ATRNL1: variants seen among roughly 807,000 people sequenced by gnomAD.
ATRNL1 encodes the protein attractin-like protein 1.
ATRNL1 carries 95 observed loss-of-function variants against 182.7 expected under a neutral mutation model. The ratio of observed to expected loss-of-function variants is 0.52; its 90% confidence interval spans 0.44 to 0.62. ATRNL1 has a LOEUF of 0.62. Among genes scored for constraint, ATRNL1 ranks in the 20% least tolerant of loss-of-function variants. ATRNL1 has a pLI of 0.00. For missense variants in ATRNL1, 1,471 were observed against 1,679.5 expected (o/e 0.88, Z 2.17); for synonymous variants, 576 against 568.3 (o/e 1.01, Z -0.19).
chr10:115,652,017 C>A (rs1860043642), intron 26 of ATRNL1, among the ~76,000 whole-genome samples: 1 of 151,980 alleles, frequency 6.6e-6, no homozygotes, highest in African/African-American at 2.4e-5. Flanking sequence ...TATAAGATTT[C>A]TTTGTTCTAT....
At chr10:115,565,945 G>A (rs975399501) in intron 26 of ATRNL1, among the ~76,000 whole-genome samples, 2 of 152,208 alleles carry the variant, frequency 1.3e-5, no homozygotes, top group South Asian at 2.1e-4. Flanking sequence ...TTGAGTAAAA[G>A]TGTTAGCTTC....
At chr10:115,609,946 G>T (rs1239888007) in intron 26 of ATRNL1, among the ~76,000 whole-genome samples, 1 of 152,136 alleles carries the variant, frequency 6.6e-6, no homozygotes, top group Non-Finnish European at 1.5e-5. Context: ...CGTGTTGTTT[G>T]TGAGTCTAAT....
chr10:115,434,226 A>G (rs181169732), intron 21 of ATRNL1, among the ~76,000 whole-genome samples: 100 of 152,284 alleles, frequency 6.6e-4, no homozygotes, highest in African/African-American at 2.3e-3. Context: ...ATTAGCATTT[A>G]GTAAATAAAA....
chr10:115,556,333 A>G lies in ATRNL1; in HGVS notation c.3795+6797A>G, dbSNP rs534896287. ...CATTCATATTTATACAGAGAGGAAA[A>G]TAAAAGCAAAATAAATTGGGTAAAG... is the stretch of plus-strand genomic sequence containing the variant. On this transcript the variant is annotated intron_variant, in intron 26 of 28. Transcript: ENST00000355044. 2.6e-5 allele frequency among the ~76,000 whole-genome samples: 4 copies of G among 152,288 alleles called. No homozygotes were observed. In the South Asian group the frequency reaches 8.3e-4, roughly 32 times the overall value.
At chr10:115,439,154 C>T (rs1554965236) in intron 21 of ATRNL1, among the ~76,000 whole-genome samples, 1 of 151,812 alleles carries the variant, frequency 6.6e-6, no homozygotes, top group African/African-American at 2.4e-5. Context: ...AATGGATCGT[C>T]ATAAAGGTCT....
intron 27 of ATRNL1, among the ~76,000 whole-genome samples, chr10:115,840,235 C>G (rs910403901): frequency 6.6e-6 from 1 of 152,128 alleles, no homozygotes; most frequent in African/African-American, 2.4e-5. Flanking sequence ...TAGATTTTTC[C>G]TACCCTGAAA....
chr10:115,486,597 T>C (rs1554975197), intron 24 of ATRNL1, among the ~76,000 whole-genome samples: 1 of 152,184 alleles, frequency 6.6e-6, no homozygotes, highest in African/African-American at 2.4e-5. Flanking sequence ...TGGGGTTGTT[T>C]TTTTCTTGTA....
At chr10:115,937,105 C>T (rs1020838976) in intron 28 of ATRNL1, among the ~76,000 whole-genome samples, 2 of 152,206 alleles carry the variant, frequency 1.3e-5, no homozygotes, top group African/African-American at 4.8e-5. Context: ...TCAGCACATT[C>T]TACCCAATGA....
chr10:115,775,322 T>C (rs1363397195), intron 27 of ATRNL1, among the ~76,000 whole-genome samples: 8 of 152,320 alleles, frequency 5.3e-5, no homozygotes, highest in Non-Finnish European at 7.4e-5. Flanking sequence ...ATCTTACTTA[T>C]AGAAAACACC....
intron 26 of ATRNL1, among the ~76,000 whole-genome samples, chr10:115,631,231 C>T (rs1555026309): frequency 1.3e-5 from 2 of 151,914 alleles, no homozygotes; most frequent in Non-Finnish European, 2.9e-5. Flanking sequence ...ATTCCCACCA[C>T]ATCAAAAATT....
intron 8 of ATRNL1, among the ~76,000 whole-genome samples, chr10:115,191,087 A>G (rs543021620): frequency 6.6e-6 from 1 of 152,184 alleles, no homozygotes; most frequent in South Asian, 2.1e-4. Context: ...TCTGTTGTGT[A>G]TATGCATAGA....
intron 19 of ATRNL1, among the ~76,000 whole-genome samples, chr10:115,362,812 T>G (rs1440335542): frequency 1.3e-5 from 2 of 151,656 alleles, no homozygotes; most frequent in Non-Finnish European, 2.9e-5. Context: ...AGAATGATGA[T>G]TTCCAATTTC....
intron 27 of ATRNL1, among the ~76,000 whole-genome samples, chr10:115,841,449 G>T (rs1555097114): frequency 1.3e-5 from 2 of 152,056 alleles, no homozygotes; most frequent in South Asian, 2.1e-4. Context: ...GAACTTGAAG[G>T]CATTTCAGCA....
chr10:115,650,171 G>A (rs1859894950), intron 26 of ATRNL1, among the ~76,000 whole-genome samples: 4 of 152,142 alleles, frequency 2.6e-5, no homozygotes, highest in Non-Finnish European at 1.5e-5. Context: ...TTTCCTCCAA[G>A]CAAACGTGAT....
intron 5 of ATRNL1, among the ~76,000 whole-genome samples, chr10:115,141,194 T>C (rs1345479765): frequency 1.3e-5 from 2 of 152,150 alleles, no homozygotes; most frequent in African/African-American, 4.8e-5. Context: ...GCATTTGTTG[T>C]TGTTATTGAA....
At chr10:115,415,390 C>T (rs1018063767) in intron 20 of ATRNL1, among the ~76,000 whole-genome samples, 3 of 151,820 alleles carry the variant, frequency 2.0e-5, no homozygotes, top group Admixed American at 6.6e-5. Flanking sequence ...TAGTTTCCCC[C>T]TTATTTTTAA....
chr10:115,119,591 G>C (rs781817891), intron 1 of ATRNL1, among the ~76,000 whole-genome samples: 18 of 151,656 alleles, frequency 1.2e-4, no homozygotes, highest in Non-Finnish European at 1.3e-4. Context: ...TCTTTTTTAT[G>C]CATAAAATAG....
intron 27 of ATRNL1, among the ~76,000 whole-genome samples, chr10:115,751,569 A>G (rs1173025410): frequency 3.3e-5 from 5 of 152,084 alleles, no homozygotes; most frequent in African/African-American, 1.2e-4. Flanking sequence ...CATCTCTGTC[A>G]CTGTCAAATA....
At chr10:115,361,886 G>A (rs566045519) in intron 19 of ATRNL1, among the ~76,000 whole-genome samples, 6 of 152,078 alleles carry the variant, frequency 3.9e-5, no homozygotes, top group South Asian at 4.2e-4. Context: ...TCATGTTCAC[G>A]TACTGGAGCA....
Sources: allele counts gnomAD v4.1 joint callset (sites outside exome capture counted in the v4.1 genomes callset), GRCh38; gene constraint gnomAD v4.1.1; transcripts MANE v1.5; gene names NCBI Gene and HGNC (gene_info 2026-07-23, HGNC 2026-07-21).